THSD7B: variants seen among roughly 807,000 people sequenced by gnomAD.
THSD7B encodes the protein thrombospondin type-1 domain-containing protein 7B.
In THSD7B, 138 loss-of-function variants were observed where a neutral mutation model predicts 213.6. The observed-to-expected ratio is 0.65, with a 90% CI of 0.56 to 0.74. The LOEUF (loss-of-function observed/expected upper bound fraction) is 0.74. THSD7B is among the 30% of genes least tolerant of loss of function. THSD7B has a pLI of 0.00. For synonymous variants in THSD7B, 742 were observed against 687.0 expected (o/e 1.08, Z -1.25); for missense variants, 1,931 against 1,991.5 (o/e 0.97, Z 0.58).
At chr2:136,805,999 G>A (rs1305968313) in intron 1 of THSD7B, among the ~76,000 whole-genome samples, 2 of 152,114 alleles carry the variant, frequency 1.3e-5, no homozygotes, top group Non-Finnish European at 2.9e-5. Context: ...GTTTCTGCAG[G>A]GACCTTACAC....
chr2:137,050,289 T>G (rs774993860), intron 2 of THSD7B, among the ~76,000 whole-genome samples: 7 of 152,218 alleles, frequency 4.6e-5, no homozygotes, highest in Non-Finnish European at 1.0e-4. Flanking sequence ...AAGGTGGTTT[T>G]CTGTCTCCGT....
chr2:137,423,989 G>A (rs941186946), intron 14 of THSD7B, among the ~76,000 whole-genome samples: 1 of 152,134 alleles, frequency 6.6e-6, no homozygotes, highest in Non-Finnish European at 1.5e-5. Flanking sequence ...AACAGAATTG[G>A]CATTTCATAA....
chr2:137,149,684 C>T (rs569995877), intron 5 of THSD7B, among the ~76,000 whole-genome samples: 1 of 152,328 alleles, frequency 6.6e-6, no homozygotes, highest in South Asian at 2.1e-4. Flanking sequence ...TAAGATTTGA[C>T]TGCCCCTGTG....
At chr2:137,578,353 C>G (rs574844040) in intron 17 of THSD7B, among the ~76,000 whole-genome samples, 4 of 152,122 alleles carry the variant, frequency 2.6e-5, no homozygotes, top group Non-Finnish European at 4.4e-5. Context: ...AGTGAAACTC[C>G]CCAAGTTCAG....
At position 137,402,159 on chromosome 2, in the gene THSD7B, T is replaced by G. The variant is rs535338661; in HGVS notation, c.2501-3454T>G. On this transcript the variant is annotated intron_variant, in intron 12 of 27. Coordinates refer to ENST00000409968, the MANE Select transcript of THSD7B (RefSeq NM_001316349.2). ...GTCTTAAGAATTCTCACTAGACTTT[T>G]TTATAGTCTTGTGATACTCATTTTA... is the stretch of plus-strand genomic sequence containing the variant. Among the ~76,000 whole-genome samples the G allele has an allele frequency of 1.3e-3, 193 of 152,344 alleles. 1 individual carries two copies. The highest frequency in any genetic ancestry group is 4.3e-3 in the African/African-American group (179 of 41,594).
At chr2:137,353,020 G>A (rs1458249594) in intron 12 of THSD7B, among the ~76,000 whole-genome samples, 2 of 151,950 alleles carry the variant, frequency 1.3e-5, no homozygotes, top group African/African-American at 4.8e-5. Flanking sequence ...CTGGAAGATA[G>A]TAGAAATGTA....
intron 1 of THSD7B, among the ~76,000 whole-genome samples, chr2:136,800,933 T>C (rs887387530): frequency 4.6e-5 from 7 of 151,992 alleles, no homozygotes; most frequent in Non-Finnish European, 4.4e-5. Context: ...CCAAGTAAAC[T>C]CTTAACTCTT....
chr2:137,439,008 G>C (rs9989745), intron 14 of THSD7B, among the ~76,000 whole-genome samples: 1 of 151,718 alleles, frequency 6.6e-6, no homozygotes, highest in Non-Finnish European at 1.5e-5. Flanking sequence ...AAAAATTAGA[G>C]GTATGCTGCC....
chr2:137,667,628 G>A (rs1382352009), intron 26 of THSD7B, 146 bp from the exon 27 acceptor site: 1 of 604,990 alleles, frequency 1.7e-6, no homozygotes, highest in African/African-American at 1.9e-5. Flanking sequence ...AACTTCTGCA[G>A]TTGAGTGCAC....
At chr2:137,440,348 A>C (rs1405933501) in intron 14 of THSD7B, among the ~76,000 whole-genome samples, 1 of 152,020 alleles carries the variant, frequency 6.6e-6, no homozygotes, top group Non-Finnish European at 1.5e-5. Context: ...AGACTAGAAA[A>C]AGTTTCTGAC....
chr2:137,476,669 C>T (rs961703593), intron 15 of THSD7B, among the ~76,000 whole-genome samples: 1 of 152,054 alleles, frequency 6.6e-6, no homozygotes, highest in Admixed American at 6.6e-5. Context: ...CTCCTGGGTT[C>T]AAGGGATTCC....
chr2:137,325,735 T>C (rs1250566307), intron 12 of THSD7B, among the ~76,000 whole-genome samples: 1 of 152,240 alleles, frequency 6.6e-6, no homozygotes, highest in Non-Finnish European at 1.5e-5. Context: ...TAAATGTATT[T>C]GGAAGGATGC....
intron 12 of THSD7B, among the ~76,000 whole-genome samples, chr2:137,336,925 CTTTATA>C (rs1445506769): frequency 1.3e-5 from 2 of 151,948 alleles, no homozygotes; most frequent in Non-Finnish European, 2.9e-5. Flanking sequence ...AATGTATCAA[CTTTATA>C]TTTACTTTCT....
intron 15 of THSD7B, among the ~76,000 whole-genome samples, chr2:137,471,130 A>G (rs1359423029): frequency 1.1e-4 from 17 of 151,926 alleles, no homozygotes; most frequent in Admixed American, 1.1e-3. Flanking sequence ...TGTGTTGTCC[A>G]GGCTGGTCTT....
intron 7 of THSD7B, among the ~76,000 whole-genome samples, chr2:137,207,132 G>C (rs1038385766): frequency 1.3e-5 from 2 of 152,004 alleles, no homozygotes; most frequent in African/African-American, 4.8e-5. Flanking sequence ...AAAGTGAAGA[G>C]AGGAGGAGGA....
At chr2:136,841,743 G>A (rs766740812) in intron 1 of THSD7B, among the ~76,000 whole-genome samples, 64 of 152,228 alleles carry the variant, frequency 4.2e-4, no homozygotes, top group Non-Finnish European at 7.8e-4. Flanking sequence ...TGGGGATGCA[G>A]GAGTTTGAGA....
chr2:136,779,393 G>A (rs891738459), intron 1 of THSD7B, among the ~76,000 whole-genome samples: 5 of 152,088 alleles, frequency 3.3e-5, no homozygotes, highest in Non-Finnish European at 7.4e-5. Flanking sequence ...TGGCATTAGT[G>A]TAAATATTGT....
chr2:137,646,562 G>T (rs954822192), intron 21 of THSD7B, among the ~76,000 whole-genome samples: 27 of 148,922 alleles, frequency 1.8e-4, no homozygotes, highest in African/African-American at 6.7e-4. Flanking sequence ...TGAGGCAGAA[G>T]AATCACTTGA....
intron 1 of THSD7B, among the ~76,000 whole-genome samples, chr2:136,839,866 A>G (rs1394254318): frequency 6.6e-6 from 1 of 152,182 alleles, no homozygotes; most frequent in African/African-American, 2.4e-5. Flanking sequence ...AGTTGAGTCA[A>G]TGAGCTTCAA....
Sources: gnomAD v4.1 joint callset for allele counts (sites outside exome capture counted in the v4.1 genomes callset) on GRCh38, gnomAD v4.1.1 for gene constraint, MANE v1.5 for transcripts, NCBI Gene and HGNC (gene_info 2026-07-23, HGNC 2026-07-21) for gene names.